The following SCN8A variants were observed in gnomAD, a reference collection of about 807,000 sequenced individuals.
SCN8A encodes sodium voltage-gated channel alpha subunit 8.
SCN8A carries 30 observed loss-of-function variants against 184.1 expected under a neutral mutation model. That is an observed-to-expected ratio of 0.16 (90% CI 0.12 to 0.22). SCN8A has a LOEUF of 0.22. SCN8A is among the 10% of genes least tolerant of loss of function. The pLI is 1.00. For missense variants in SCN8A, 1,057 were observed against 2,498.9 expected, an observed-to-expected ratio of 0.42 and a Z score of 12.30; for synonymous variants, 852 against 907.0, an observed-to-expected ratio of 0.94 and a Z score of 1.09.
At chr12:51,615,490 C>T (rs1319339115) in intron 1 of SCN8A, among the ~76,000 whole-genome samples, 1 of 152,050 alleles carries the variant, frequency 6.6e-6, no homozygotes, top group South Asian at 2.1e-4. Flanking sequence ...GAGTTTGAGG[C>T]TGCAGTGAGC....
chr12:51,798,020 A>G (rs146417405), intron 26 of SCN8A, among the ~76,000 whole-genome samples: 15 of 152,284 alleles, frequency 9.9e-5, no homozygotes, highest in South Asian at 2.1e-4. Context: ...TCCTGGACCC[A>G]TGAATCCTGG....
intron 21 of SCN8A, among the ~76,000 whole-genome samples, chr12:51,781,930 A>G (rs1937936226): frequency 6.6e-6 from 1 of 152,234 alleles, no homozygotes; most frequent in African/African-American, 2.4e-5. Context: ...AGATACCAGG[A>G]CAGTGCTGCT....
rs185991867 is a variant in SCN8A at position 51,594,212 on chromosome 12, T to C, written c.-55+2853T>C. 1.5e-3 allele frequency among the ~76,000 whole-genome samples: 227 copies of C among 152,358 alleles called. 1 individual carries two copies. The highest frequency in any genetic ancestry group is 5.4e-3 in the African/African-American group (223 of 41,584). ...ATACATCCGTTGGTAGGGAACTTAC[T>C]GCCACATAACGTAGCTCATTCCATT... is the stretch of plus-strand genomic sequence containing the variant. On this transcript the variant is annotated intron_variant, in intron 1 of 26. Coordinates refer to ENST00000627620, the MANE Select transcript of SCN8A (RefSeq NM_001330260.2).
rs1426067939 is a variant in SCN8A at position 51,806,074 on chromosome 12, T to C, written c.4796-208T>C. Among the ~76,000 whole-genome samples, 1 of 152,218 alleles carries C rather than the reference T, an allele frequency of 6.6e-6. No individual in the cohort carries two copies. The highest frequency in any genetic ancestry group is 1.5e-5 in the Non-Finnish European group (1 of 68,032). Reference sequence around the variant, plus strand: ...AACTCCTGGCCTCAAGTAATCCACCTGCCTTGGCCTCCCAAAGTCCTGGGA... The same window carrying C: ...AACTCCTGGCCTCAAGTAATCCACCCGCCTTGGCCTCCCAAAGTCCTGGGA... On this transcript the variant is annotated intron_variant, in intron 26 of 26. Coordinates refer to ENST00000627620, the MANE Select transcript of SCN8A (RefSeq NM_001330260.2). This position sits in a 1 kb window ranked among gnomAD's most constrained non-coding sequence, Gnocchi z 8.7.
At position 51,721,575 on chromosome 12, in the gene SCN8A, C is replaced by A. The variant is rs771638928; in HGVS notation, c.1665C>A (p.Phe555Leu). ...TGCTCAGCATCCCAGGCTCGCCCTT[C>A]CTCTCCCGCCACAACAGCAAGAGCA... ...QSLLSIPGSP[F>L]LSRHNSKSSI... The change falls in exon 12 of 27, where the codon TTC (phenylalanine) becomes TTA (leucine). Residue 555 changes from phenylalanine to leucine, a missense_variant. This residue lies in a region of SCN8A where 322 missense variants were observed against 390.1 expected (regional missense o/e 0.83). Transcript: ENST00000627620. 1.9e-6 allele frequency: 3 copies of A among 1,605,106 alleles called. No individual in the cohort carries two copies. The highest frequency in any genetic ancestry group is 1.7e-6 in the Non-Finnish European group (2 of 1,175,764).
intron 1 of SCN8A, among the ~76,000 whole-genome samples, chr12:51,602,227 G>A (rs921057274): frequency 6.6e-5 from 10 of 152,044 alleles, no homozygotes; most frequent in African/African-American, 2.2e-4. Context: ...ATGGATATGC[G>A]AATTACCCTG....
chr12:51,688,490 G>C (rs1459730232), intron 5 of SCN8A, among the ~76,000 whole-genome samples: 3 of 152,162 alleles, frequency 2.0e-5, no homozygotes, highest in South Asian at 4.2e-4. Flanking sequence ...AATGTGAATG[G>C]GCTGACAGTA....
At chr12:51,782,728 G>A (rs551095742) in intron 21 of SCN8A, among the ~76,000 whole-genome samples, 142 of 152,324 alleles carry the variant, frequency 9.3e-4, no homozygotes, top group African/African-American at 3.2e-3. Flanking sequence ...GCTGAGGCCA[G>A]TTTGCTCATG....
Position 51,769,859 on chromosome 12 carries a change from C to A in SCN8A, c.3373-9C>A. ...AGCTGCCTGATCTCCCTTTTCCTTG[C>A]GTGTCTAGAAACTAGATGACACCAG... On this transcript the variant is annotated splice_polypyrimidine_tract_variant and intron_variant, in intron 17 of 26. Coordinates refer to ENST00000627620, the MANE Select transcript of SCN8A (RefSeq NM_001330260.2). The A allele has an allele frequency of 3.8e-6, 6 of 1,565,878 alleles. No individual in the cohort carries two copies. The highest frequency in any genetic ancestry group is 5.2e-6 in the Non-Finnish European group (6 of 1,148,944).
At chr12:51,602,967 T>C (rs745751546) in intron 1 of SCN8A, among the ~76,000 whole-genome samples, 6 of 152,236 alleles carry the variant, frequency 3.9e-5, no homozygotes, top group Admixed American at 6.5e-5. Flanking sequence ...CAAGATAGTA[T>C]TTCATTTTTC....
chr12:51,741,862 G>A (rs949454903), intron 12 of SCN8A, among the ~76,000 whole-genome samples: 23 of 151,832 alleles, frequency 1.5e-4, no homozygotes, highest in African/African-American at 4.4e-4. Context: ...GTGCCACCAC[G>A]CCCGGCTAAT....
Position 51,739,840 on chromosome 12 carries a change from T to A in SCN8A, c.1999-6063T>A, listed in dbSNP as rs138839596. On this transcript the variant is annotated intron_variant, in intron 12 of 26. Coordinates refer to ENST00000627620, the MANE Select transcript of SCN8A (RefSeq NM_001330260.2). ...ACACACACACACAGAAATATAGAAG[T>A]GTGAAGTGGGAAATCAGGGGTCTCA... is the stretch of plus-strand genomic sequence containing the variant. Among the ~76,000 whole-genome samples the A allele has an allele frequency of 1.6e-4, 25 of 152,184 alleles. No individual in the cohort carries two copies. In the East Asian group the frequency reaches 4.6e-3, roughly 28 times the overall value.
intron 1 of SCN8A, among the ~76,000 whole-genome samples, chr12:51,603,521 C>T (rs1939515372): frequency 6.6e-6 from 1 of 151,998 alleles, no homozygotes; most frequent in Non-Finnish European, 1.5e-5. Flanking sequence ...TTTGTGTGAC[C>T]CTACCTTCAT....
At chr12:51,638,839 G>T (rs1044568002) in intron 1 of SCN8A, among the ~76,000 whole-genome samples, 1 of 152,092 alleles carries the variant, frequency 6.6e-6, no homozygotes, top group African/African-American at 2.4e-5. Context: ...GGATGTTCAT[G>T]GGGGAGGGGA....
At position 51,664,956 on chromosome 12, in the gene SCN8A, C is replaced by T. The variant is rs539097287; in HGVS notation, c.276+1863C>T. Among the ~76,000 whole-genome samples the T allele has an allele frequency of 7.9e-5, 12 of 152,250 alleles. 1 individual carries two copies. The highest frequency in any genetic ancestry group is 2.6e-4 in the African/African-American group (11 of 41,530). The stretch of plus-strand genomic sequence containing the variant: ...GTCCATGTGTTCTCATGATTCAGCT[C>T]CCACTTATAAGTAAGAATGTGTGGT... On this transcript the variant is annotated intron_variant, in intron 2 of 26. Coordinates refer to ENST00000627620, the MANE Select transcript of SCN8A (RefSeq NM_001330260.2).
At chr12:51,638,689 G>C (rs1222566331) in intron 1 of SCN8A, among the ~76,000 whole-genome samples, 2 of 152,078 alleles carry the variant, frequency 1.3e-5, no homozygotes, top group Admixed American at 1.3e-4. Context: ...GTTTCACCAT[G>C]TCGGCCAGGA....
chr12:51,721,996 TCCCCTCCTC>T, intron 12 of SCN8A, 88 bp downstream of exon 12: 1 of 1,586,480 alleles, frequency 6.3e-7, no homozygotes, highest in South Asian at 1.1e-5. Flanking sequence ...CCCCGCTCCT[TCCCCTCCTC>T]TTTCCCTGCT....
chr12:51,721,097 ATATATATATAATATTTATTTATTGT>A (rs775927064), intron 11 of SCN8A, among the ~76,000 whole-genome samples: 2,764 of 116,922 alleles, frequency 0.024, 87 homozygotes, highest in Non-Finnish European at 0.026. Flanking sequence ...ATATATATAT[ATATATATATAATATTTATTTATTGT>A]TATATATATA....
chr12:51,608,823 T>G (rs1173356684), intron 1 of SCN8A, among the ~76,000 whole-genome samples: 1 of 152,224 alleles, frequency 6.6e-6, no homozygotes, highest in Non-Finnish European at 1.5e-5. Flanking sequence ...AGGTGTGACC[T>G]TAGATGTCAG....
Sources: gnomAD v4.1 joint callset for allele counts (sites outside exome capture counted in the v4.1 genomes callset) on GRCh38, gnomAD v4.1.1 for gene constraint, gnomAD v4.1.1 regional missense constraint, Gnocchi (gnomAD v3.1) non-coding constraint, MANE v1.5 for transcripts, NCBI Gene and HGNC (gene_info 2026-07-23, HGNC 2026-07-21) for gene names.